TUBGCP4: variants seen among roughly 807,000 people sequenced by gnomAD.
The protein encoded by TUBGCP4 is tubulin gamma complex component 4.
In TUBGCP4, 54 loss-of-function variants were observed where a neutral mutation model predicts 91.6. The ratio of observed to expected loss-of-function variants is 0.59; its 90% confidence interval spans 0.47 to 0.74. TUBGCP4 has a LOEUF of 0.74. Among genes scored for constraint, TUBGCP4 ranks in the 30% least tolerant of loss-of-function variants. TUBGCP4 has a pLI of 0.00. For missense variants in TUBGCP4, 593 were observed against 800.9 expected (o/e 0.74, Z 3.13); for synonymous variants, 297 against 302.8 (o/e 0.98, Z 0.20).
chr15:43,400,507 C>T (rs912436674), intron 14 of TUBGCP4, among the ~76,000 whole-genome samples: 4 of 152,182 alleles, frequency 2.6e-5, no homozygotes, highest in African/African-American at 9.7e-5. Flanking sequence ...AAGTGATCCC[C>T]CTGCCTCAGC....
chr15:43,393,901 T>C (rs1042005992), intron 9 of TUBGCP4, among the ~76,000 whole-genome samples: 6 of 152,178 alleles, frequency 3.9e-5, no homozygotes, highest in African/African-American at 1.4e-4. Flanking sequence ...ATGCTGGGAT[T>C]CCCCACTGTC....
chr15:43,395,369 T>A, intron 10 of TUBGCP4: 1 of 658,986 alleles, frequency 1.5e-6, no homozygotes, highest in Non-Finnish European at 2.7e-6. Context: ...ATATATATAA[T>A]TATGTTGCTA....
At chr15:43,396,276 A>C (rs2044578009) in intron 11 of TUBGCP4, among the ~76,000 whole-genome samples, 1 of 152,180 alleles carries the variant, frequency 6.6e-6, no homozygotes. Flanking sequence ...AGAGAATTCT[A>C]GGGAATTATC....
At chr15:43,380,796 A>G (rs1191650411) in intron 6 of TUBGCP4, among the ~76,000 whole-genome samples, 4 of 152,196 alleles carry the variant, frequency 2.6e-5, no homozygotes, top group African/African-American at 9.7e-5. Context: ...ACAAAATTGT[A>G]TTTATCTTGT....
intron 7 of TUBGCP4, 59 bp downstream of exon 7, chr15:43,383,563 C>T (rs955782320): frequency 6.9e-7 from 1 of 1,448,464 alleles, no homozygotes; most frequent in African/African-American, 1.4e-5. Flanking sequence ...AGCATGCACA[C>T]AAATGATCTT....
Position 43,409,753 on chromosome 15 carries a change from A to T in TUBGCP4, c.*4539A>T, listed in dbSNP as rs949497938. 7.2e-7 allele frequency: 1 copy of T among 1,385,736 alleles called. No homozygotes were observed. Among genetic ancestry groups the T allele is most frequent in the Non-Finnish European group, 9.9e-7 (1 of 1,011,360 alleles). 85.8% of individuals were successfully genotyped at this position (1,385,736 alleles called of 1,614,324 possible). On this transcript the variant is annotated 3_prime_UTR_variant, in exon 18 of 18. Transcript: ENST00000564079. ...AATTTCCAAAAATTCTATATTAAAAAAAAAAACCAAGATAATAATTACTGA... is the reference window on the plus strand; with the variant it reads ...AATTTCCAAAAATTCTATATTAAAATAAAAAACCAAGATAATAATTACTGA...
chr15:43,404,707 T>A, intron 17 of TUBGCP4, 155 bp downstream of exon 17: 1 of 793,050 alleles, frequency 1.3e-6, no homozygotes, highest in South Asian at 2.1e-5. Flanking sequence ...ATAATTTTAA[T>A]GGAGGTTATT....
At position 43,408,771 on chromosome 15, in the gene TUBGCP4, C is replaced by G. The variant is rs1226464710; in HGVS notation, c.*3557C>G. ...ATAAACTCCTGAAGTCATTTCAAAC[C>G]CACTCAAATTTATCCCACAGACATT... On this transcript the variant is annotated 3_prime_UTR_variant, in exon 18 of 18. Coordinates refer to ENST00000564079, the MANE Select transcript of TUBGCP4 (RefSeq NM_014444.5). 1.5e-5 allele frequency: 14 copies of G among 906,428 alleles called. No homozygotes were observed. The highest frequency in any genetic ancestry group is 2.2e-5 in the Non-Finnish European group (13 of 594,328). 56.1% of individuals were successfully genotyped at this position (906,428 alleles called of 1,614,324 possible). A position where few individuals can be genotyped will look rare whatever the true frequency, so the allele number is the denominator to read the frequency against.
chr15:43,399,779 T>C (rs1049635703), intron 13 of TUBGCP4, among the ~76,000 whole-genome samples: 1 of 152,210 alleles, frequency 6.6e-6, no homozygotes, highest in African/African-American at 2.4e-5. Context: ...TAATCTAATA[T>C]CCAGTCCACA....
chr15:43,392,122 ATTTT>A (rs200842581), intron 9 of TUBGCP4, among the ~76,000 whole-genome samples: 3 of 142,188 alleles, frequency 2.1e-5, no homozygotes, highest in Non-Finnish European at 4.6e-5. Context: ...ACACACACAT[ATTTT>A]TTTTTGTTTG....
rs1468545597 is a variant in TUBGCP4, at chr15:43,408,021, G to A, written c.*2807G>A. 1 of 1,614,028 alleles carries A rather than the reference G, an allele frequency of 6.2e-7. No homozygotes were observed. The highest frequency in any genetic ancestry group is 1.1e-5 in the South Asian group (1 of 91,078). On this transcript the variant is annotated 3_prime_UTR_variant, in exon 18 of 18. Transcript: ENST00000564079. ...ATGAGGATCTCAGACCAGAGCTCCAGGAAGTTCTGCTGTTGGTCTGATACC... is the reference window on the plus strand; with the variant it reads ...ATGAGGATCTCAGACCAGAGCTCCAAGAAGTTCTGCTGTTGGTCTGATACC...
intron 9 of TUBGCP4, chr15:43,391,713 C>T (rs2044470895): frequency 1.3e-5 from 2 of 152,254 alleles, no homozygotes; most frequent in South Asian, 4.1e-4. Context: ...GCATGCACCA[C>T]TGCGCCCACC....
chr15:43,400,315 G>T, intron 14 of TUBGCP4, 94 bp downstream of exon 14: 3 of 1,013,696 alleles, frequency 3.0e-6, no homozygotes, highest in Non-Finnish European at 4.2e-6. Context: ...GTTTCTATTT[G>T]ATAAAATGGT....
At chr15:43,386,163 G>T in intron 8 of TUBGCP4, 43 bp from the exon 9 acceptor site, 1 of 1,580,452 alleles carries the variant, frequency 6.3e-7, no homozygotes. Context: ...AACTGTCCTG[G>T]GTATTCTCCG....
rs757493128 is a variant in TUBGCP4, at chr15:43,377,004, T to G, written c.331-10T>G. 1 of 1,612,328 alleles carries G rather than the reference T, an allele frequency of 6.2e-7. No individual in the cohort carries two copies. The highest frequency in any genetic ancestry group is 8.5e-7 in the Non-Finnish European group (1 of 1,178,494). ...GTGTGGAGCTCTAATCACAAAGTTT[T>G]TTATTGCAGTTCCTGGGTGATCCCC... On this transcript the variant is annotated splice_polypyrimidine_tract_variant and intron_variant, in intron 3 of 17. Coordinates refer to ENST00000564079, the MANE Select transcript of TUBGCP4 (RefSeq NM_014444.5).
rs976572941 is a variant in TUBGCP4, at chr15:43,407,210, C to T, written c.*1996C>T. 23 of 600,916 alleles carry T rather than the reference C, an allele frequency of 3.8e-5. No homozygotes were observed. The highest frequency in any genetic ancestry group is 3.0e-4 in the African/African-American group (16 of 53,914). The allele number at this position is 600,916 out of a possible 1,614,324, so 37.2% of individuals were successfully genotyped here. A position where few individuals can be genotyped will look rare whatever the true frequency, so the allele number is the denominator to read the frequency against. On this transcript the variant is annotated 3_prime_UTR_variant, in exon 18 of 18. Transcript: ENST00000564079. ...GCTCAAAAAAACAGATGAAGAAATC[C>T]CAGTTACTACAACCAAAGAGATTCA...
At chr15:43,380,621 C>T (rs577129695) in intron 6 of TUBGCP4, among the ~76,000 whole-genome samples, 6 of 152,236 alleles carry the variant, frequency 3.9e-5, no homozygotes, top group African/African-American at 9.6e-5. Flanking sequence ...TATGCACAAA[C>T]GTGTTCATTG....
chr15:43,395,198 AG>A (rs1444062596), intron 10 of TUBGCP4, 41 bp downstream of exon 10: 3 of 1,607,880 alleles, frequency 1.9e-6, no homozygotes, highest in Non-Finnish European at 1.7e-6. Context: ...TGATGCTGGT[AG>A]GCAGTGACTT....
rs747412974 is a variant in TUBGCP4 at position 43,401,796 on chromosome 15, T to G, written c.1677T>G (p.Ala559=). ...GAGACTTTGAAAGCATCCGATTGGC[T>G]CATGACCACTTCCTGAGCAATTTGC... The part of the protein sequence containing the change: ...STRDFESIRL[A]HDHFLSNLLA... Residue 559 remains alanine, a synonymous_variant, in exon 15 of 18, where the codon GCT becomes GCG. Coordinates refer to ENST00000564079, the MANE Select transcript of TUBGCP4 (RefSeq NM_014444.5). The G allele has an allele frequency of 1.9e-6, 3 of 1,614,198 alleles. No homozygotes were observed. The highest frequency in any genetic ancestry group is 2.5e-6 in the Non-Finnish European group (3 of 1,180,030).
Sources: gnomAD v4.1 joint callset for allele counts (sites outside exome capture counted in the v4.1 genomes callset) on GRCh38, gnomAD v4.1.1 for gene constraint, MANE v1.5 for transcripts, NCBI Gene and HGNC (gene_info 2026-07-23, HGNC 2026-07-21) for gene names.